STARD9: variants seen among roughly 807,000 people sequenced by gnomAD.
STARD9 encodes the protein stAR-related lipid transfer protein 9.
STARD9 carries 346 observed loss-of-function variants against 399.8 expected under a neutral mutation model. The ratio of observed to expected loss-of-function variants is 0.87; its 90% CI spans 0.79 to 0.95. The LOEUF (loss-of-function observed/expected upper bound fraction) is 0.95. STARD9 is among the 40% of genes least tolerant of loss of function. The probability of loss-of-function intolerance (pLI) is 0.00; values close to 1 mark genes in which losing one functional copy is unlikely to be tolerated. For missense variants in STARD9, 5,832 were observed against 5,667.5 expected (o/e 1.03, Z -0.93); for synonymous variants, 2,203 against 2,143.5 (o/e 1.03, Z -0.77).
rs777816091 is a variant in STARD9 at position 42,686,906 on chromosome 15, C to T, written c.5328C>T (p.Pro1776=). 113 of 1,536,696 alleles carry T rather than the reference C, an allele frequency of 7.4e-5. No homozygotes were observed. Among genetic ancestry groups the T allele is most frequent in the Non-Finnish European group, 9.4e-5 (108 of 1,146,858 alleles). Reference sequence around the variant, plus strand: ...AAGTAAGGGTACCCTCCCCACCCCCCAGGGAAGCCTGGGGCTTTGGTCACA... The same window carrying T: ...AAGTAAGGGTACCCTCCCCACCCCCTAGGGAAGCCTGGGGCTTTGGTCACA... ...CREVRVPSPP[P]REAWGFGHNH... is the part of the protein sequence containing the mutation. Residue 1776 remains proline, a synonymous_variant, in exon 23 of 33, where the codon CCC becomes CCT. Coordinates refer to ENST00000290607, the MANE Select transcript of STARD9 (RefSeq NM_020759.3).
intron 7 of STARD9, among the ~76,000 whole-genome samples, chr15:42,649,709 G>A (rs2059718688): frequency 6.6e-6 from 1 of 151,336 alleles, no homozygotes; most frequent in Non-Finnish European, 1.5e-5. Context: ...ATAGGCTCCC[G>A]CTACCATGTC....
At chr15:42,582,391 CAT>C (rs1305383887) in intron 1 of STARD9, among the ~76,000 whole-genome samples, 2 of 152,054 alleles carry the variant, frequency 1.3e-5, no homozygotes. Flanking sequence ...TGTGGCTTTT[CAT>C]ATTATGAAAA....
intron 26 of STARD9, among the ~76,000 whole-genome samples, chr15:42,699,479 C>T (rs865809710): frequency 1.7e-4 from 25 of 149,242 alleles, no homozygotes; most frequent in Admixed American, 1.1e-3. Flanking sequence ...CTGCAAGCTC[C>T]GCCTCCCGGG....
At chr15:42,717,591 C>T (rs915674243) in intron 28 of STARD9, 140 bp from the exon 29 acceptor site, 7 of 771,000 alleles carry the variant, frequency 9.1e-6, no homozygotes, top group Admixed American at 2.1e-5. Flanking sequence ...CGCCACTCCA[C>T]TCCAGCCTGG....
At chr15:42,668,042 C>T (rs892227677) in intron 15 of STARD9, among the ~76,000 whole-genome samples, 1 of 152,232 alleles carries the variant, frequency 6.6e-6, no homozygotes, top group Non-Finnish European at 1.5e-5. Context: ...CATTAGCATT[C>T]TTGCATTATG....
chr15:42,667,384 C>T (rs931940087), intron 15 of STARD9, among the ~76,000 whole-genome samples: 11 of 151,954 alleles, frequency 7.2e-5, no homozygotes, highest in Non-Finnish European at 1.5e-4. Context: ...GGGGTTTCAC[C>T]GTGTTGGCCA....
intron 1 of STARD9, among the ~76,000 whole-genome samples, chr15:42,578,488 C>T (rs2058101765): frequency 1.3e-5 from 2 of 152,166 alleles, no homozygotes; most frequent in Non-Finnish European, 2.9e-5. Flanking sequence ...TCAGAAATTG[C>T]ATATCTCATT....
Position 42,686,121 on chromosome 15 carries a change from G to C in STARD9, c.4543G>C (p.Glu1515Gln). The C allele has an allele frequency of 1.3e-6, 2 of 1,537,284 alleles. No individual in the cohort carries two copies. Among genetic ancestry groups the C allele is most frequent in the Non-Finnish European group, 1.7e-6 (2 of 1,146,916 alleles). Residue 1515 changes from glutamate (E) to glutamine (Q), a missense_variant, in exon 23 of 33, where the codon GAA becomes CAA. Physicochemically the swap from Glu to Gln is conservative, Grantham distance 29. This residue lies in a region of STARD9 where 5,828 missense variants were observed against 5,651.1 expected (regional missense o/e 1.03). Coordinates refer to ENST00000290607, the MANE Select transcript of STARD9 (RefSeq NM_020759.3). ...APKPAYPYLE[E>Q]DSGSLAQASS... is the part of the protein sequence containing the mutation. ...CAAGCCAGCTTACCCCTACCTTGAG[G>C]AAGACTCTGGTTCCCTGGCCCAAGC... is the stretch of plus-strand genomic sequence containing the variant.
Position 42,663,365 on chromosome 15 carries a change from C to T in STARD9, c.953C>T (p.Pro318Leu). 8 of 1,537,348 alleles carry T rather than the reference C, an allele frequency of 5.2e-6. No homozygotes were observed. The highest frequency in any genetic ancestry group is 6.1e-6 in the Non-Finnish European group (7 of 1,146,920). Residue 318 changes from proline to leucine, a missense_variant, in exon 12 of 33, where the codon CCT (proline) becomes CTT (leucine). By Grantham distance (98) the Pro-to-Leu change is moderately conservative (BLOSUM62 -3). Transcript: ENST00000290607. ...GGTGACAGTGGGATCCTTAGCTCTC[C>T]TTCTGGGACCAGCAGTGGAGGGGCA... is the stretch of plus-strand genomic sequence containing the variant. Reference protein sequence around the residue: ...NGGDSGILSSPSGTSSGGAPS... With the variant: ...NGGDSGILSSLSGTSSGGAPS...
chr15:42,615,820 A>G (rs1165675078), intron 3 of STARD9, among the ~76,000 whole-genome samples: 2 of 152,182 alleles, frequency 1.3e-5, no homozygotes, highest in Non-Finnish European at 2.9e-5. Context: ...ACACATGAAA[A>G]AGAAGAGTTA....
intron 3 of STARD9, among the ~76,000 whole-genome samples, chr15:42,616,283 G>A (rs1183163585): frequency 6.6e-6 from 1 of 152,236 alleles, no homozygotes; most frequent in Non-Finnish European, 1.5e-5. Flanking sequence ...ACAAATGGGA[G>A]TGGGATCAGA....
intron 7 of STARD9, among the ~76,000 whole-genome samples, chr15:42,649,389 C>A (rs1658957850): frequency 6.6e-6 from 1 of 152,162 alleles, no homozygotes; most frequent in Non-Finnish European, 1.5e-5. Flanking sequence ...TCTGATCTAT[C>A]TTCCTGCTCA....
intron 26 of STARD9, among the ~76,000 whole-genome samples, chr15:42,708,689 TC>T (rs1236094474): frequency 6.6e-6 from 1 of 152,182 alleles, no homozygotes; most frequent in Non-Finnish European, 1.5e-5. Context: ...CTTTTTTTTT[TC>T]ATGTAAGACA....
At chr15:42,579,451 C>T (rs2058123851) in intron 1 of STARD9, among the ~76,000 whole-genome samples, 1 of 152,108 alleles carries the variant, frequency 6.6e-6, no homozygotes, top group Admixed American at 6.6e-5. Context: ...GGTCTGTAGT[C>T]ATCTTAAAAA....
At chr15:42,637,372 C>A (rs2059439523) in intron 4 of STARD9, among the ~76,000 whole-genome samples, 1 of 152,088 alleles carries the variant, frequency 6.6e-6, no homozygotes, top group African/African-American at 2.4e-5. Flanking sequence ...GCCACCATGC[C>A]TGGCTAATTT....
chr15:42,711,662 G>A (rs571674860), intron 26 of STARD9, among the ~76,000 whole-genome samples: 5 of 152,154 alleles, frequency 3.3e-5, no homozygotes, highest in Admixed American at 6.5e-5. Context: ...AGCTTCATTC[G>A]TTTTTATGGC....
At chr15:42,634,526 CGA>C (rs1456037313) in intron 3 of STARD9, among the ~76,000 whole-genome samples, 2 of 152,150 alleles carry the variant, frequency 1.3e-5, no homozygotes, top group East Asian at 3.8e-4. Context: ...TGTTTTCTTA[CGA>C]GAGATACAGA....
At chr15:42,633,208 G>A (rs142180459) in intron 3 of STARD9, among the ~76,000 whole-genome samples, 14 of 150,904 alleles carry the variant, frequency 9.3e-5, no homozygotes, top group African/African-American at 2.7e-4. Flanking sequence ...CCCTAATTAC[G>A]TGTATTACTT....
In STARD9 at chr15:42,689,671, C is replaced by T; in HGVS notation, c.8093C>T (p.Ser2698Phe). The T allele has an allele frequency of 2.6e-6, 4 of 1,537,782 alleles. No individual in the cohort carries two copies. The highest frequency in any genetic ancestry group is 3.5e-6 in the Non-Finnish European group (4 of 1,147,032). ...GAACCATTTATATGTCACTCTAGTT[C>T]TTCTGAAATCATAGAGAAAAAGAAA... ...ASEPFICHSS[S>F]SEIIEKKKDA... Residue 2698 changes from serine (S) to phenylalanine (F), a missense_variant, in exon 23 of 33, where the codon TCT becomes TTT. By Grantham distance (155) the Ser-to-Phe change is radical. Around this residue, in one of 2 missense-constraint regions of STARD9, gnomAD observed 5,828 missense variants for 5,651.1 expected, o/e 1.03. Transcript: ENST00000290607.
Sources: allele counts gnomAD v4.1 joint callset (sites outside exome capture counted in the v4.1 genomes callset), GRCh38; gene constraint gnomAD v4.1.1; regional missense constraint gnomAD v4.1.1; transcripts MANE v1.5; gene names NCBI Gene and HGNC (gene_info 2026-07-23, HGNC 2026-07-21).